The following CACNA2D3 variants were observed in gnomAD, a reference collection of about 807,000 sequenced individuals.
CACNA2D3 encodes voltage-dependent calcium channel subunit alpha-2/delta-3.
CACNA2D3 carries 60 observed loss-of-function variants against 160.6 expected under a neutral mutation model. The observed-to-expected ratio is 0.37, with a 90% CI of 0.30 to 0.46. CACNA2D3 has a LOEUF of 0.46. CACNA2D3 is among the 20% of genes least tolerant of loss of function. The pLI is 1.00. For synonymous variants in CACNA2D3, 558 were observed against 492.9 expected, an observed-to-expected ratio of 1.13 and a Z score of -1.75; for missense variants, 1,205 against 1,365.0, an observed-to-expected ratio of 0.88 and a Z score of 1.85.
intron 17 of CACNA2D3, among the ~76,000 whole-genome samples, chr3:54,851,886 C>T (rs1699065283): frequency 6.6e-6 from 1 of 152,180 alleles, no homozygotes; most frequent in Admixed American, 6.5e-5. Flanking sequence ...CTACATGGCA[C>T]ATCTCAATTC....
intron 29 of CACNA2D3, among the ~76,000 whole-genome samples, chr3:54,980,394 T>A (rs1352230633): frequency 6.6e-6 from 1 of 152,184 alleles, no homozygotes; most frequent in East Asian, 1.9e-4. Flanking sequence ...TACCATTAAT[T>A]TTTTTACAAA....
At chr3:54,813,129 C>A (rs1303879775) in intron 13 of CACNA2D3, among the ~76,000 whole-genome samples, 1 of 152,178 alleles carries the variant, frequency 6.6e-6, no homozygotes, top group Non-Finnish European at 1.5e-5. Flanking sequence ...CACACCACAA[C>A]TTTTTTCTTT....
intron 11 of CACNA2D3, among the ~76,000 whole-genome samples, chr3:54,736,739 C>T (rs926742746): frequency 6.6e-6 from 1 of 152,072 alleles, no homozygotes; most frequent in Non-Finnish European, 1.5e-5. Context: ...ATGCACTTTG[C>T]CCTGTTATTG....
chr3:54,512,511 G>T (rs572717113), intron 5 of CACNA2D3, among the ~76,000 whole-genome samples: 2 of 152,218 alleles, frequency 1.3e-5, no homozygotes, highest in African/African-American at 2.4e-5. Flanking sequence ...CCTGAGCCAG[G>T]TAGCCTTCCT....
At chr3:54,389,484 C>T (rs1699244475) in intron 4 of CACNA2D3, among the ~76,000 whole-genome samples, 1 of 152,098 alleles carries the variant, frequency 6.6e-6, no homozygotes. Context: ...CCACAAGTTA[C>T]TCATCAATTA....
chr3:54,150,469 A>C (rs1466606835), intron 2 of CACNA2D3, among the ~76,000 whole-genome samples: 4 of 152,298 alleles, frequency 2.6e-5, no homozygotes, highest in Non-Finnish European at 5.9e-5. Flanking sequence ...ACAGGCCTGG[A>C]CACCTCATTC....
At chr3:54,981,498 G>C (rs1293079463) in intron 29 of CACNA2D3, among the ~76,000 whole-genome samples, 1 of 152,120 alleles carries the variant, frequency 6.6e-6, no homozygotes, top group African/African-American at 2.4e-5. Context: ...TTGGGAGCGA[G>C]GGGGAGAGAA....
chr3:54,142,574 G>T (rs1213433637), intron 2 of CACNA2D3, among the ~76,000 whole-genome samples: 1 of 152,046 alleles, frequency 6.6e-6, no homozygotes, highest in Non-Finnish European at 1.5e-5. Context: ...TGGCTCCTTA[G>T]GGCAAAGCCT....
intron 17 of CACNA2D3, among the ~76,000 whole-genome samples, chr3:54,859,860 C>A (rs1268914901): frequency 5.3e-5 from 8 of 152,004 alleles, no homozygotes; most frequent in Non-Finnish European, 8.8e-5. Flanking sequence ...TCCTTTGAAT[C>A]CAATGACTAT....
At chr3:54,981,839 A>C (rs541349300) in intron 29 of CACNA2D3, among the ~76,000 whole-genome samples, 8 of 152,142 alleles carry the variant, frequency 5.3e-5, no homozygotes, top group African/African-American at 1.9e-4. Context: ...TGTTAATCCA[A>C]CCTCTGACCA....
At chr3:54,249,568 C>CACACACACACACACACACACACACAG (rs1559895713) in intron 2 of CACNA2D3, among the ~76,000 whole-genome samples, 2 of 147,958 alleles carry the variant, frequency 1.4e-5, no homozygotes, top group African/African-American at 5.2e-5. Flanking sequence ...TACACACACA[C>CACACACACACACACACACACACACAG]ACACACACAC....
At chr3:54,568,412 C>T (rs1702443094) in intron 6 of CACNA2D3, among the ~76,000 whole-genome samples, 1 of 152,166 alleles carries the variant, frequency 6.6e-6, no homozygotes, top group Non-Finnish European at 1.5e-5. Context: ...CCACTGAACA[C>T]CTCCCGTGGG....
At chr3:54,937,251 T>C (rs1056764050) in intron 27 of CACNA2D3, among the ~76,000 whole-genome samples, 13 of 152,168 alleles carry the variant, frequency 8.5e-5, no homozygotes, top group African/African-American at 2.9e-4. Context: ...TGTTTGGGAA[T>C]GTCATAGGCA....
intron 2 of CACNA2D3, among the ~76,000 whole-genome samples, chr3:54,297,611 A>G (rs1315407221): frequency 6.6e-6 from 1 of 151,928 alleles, no homozygotes; most frequent in African/African-American, 2.4e-5. Flanking sequence ...TATGGTGGCA[A>G]GTAACTTTGA....
At chr3:54,795,663 A>T (rs1224298590) in intron 13 of CACNA2D3, among the ~76,000 whole-genome samples, 1 of 152,188 alleles carries the variant, frequency 6.6e-6, no homozygotes, top group African/African-American at 2.4e-5. Flanking sequence ...ATTATTGAGA[A>T]TCCAATTGGC....
chr3:54,182,069 A>G (rs957156286), intron 2 of CACNA2D3, among the ~76,000 whole-genome samples: 1 of 152,198 alleles, frequency 6.6e-6, no homozygotes, highest in Non-Finnish European at 1.5e-5. Context: ...TATTTATCAA[A>G]GTTAGGTTTT....
intron 5 of CACNA2D3, among the ~76,000 whole-genome samples, chr3:54,515,023 C>T (rs1701525064): frequency 6.6e-6 from 1 of 152,176 alleles, no homozygotes. Flanking sequence ...ATCCTTTTAT[C>T]ATGGAACGTC....
chr3:54,354,074 C>T (rs1048427678), intron 3 of CACNA2D3, among the ~76,000 whole-genome samples: 11 of 152,180 alleles, frequency 7.2e-5, no homozygotes, highest in African/African-American at 9.7e-5. Flanking sequence ...AGCCAAGCTA[C>T]ACACATTCAA....
intron 27 of CACNA2D3, among the ~76,000 whole-genome samples, chr3:54,907,633 GA>G (rs1477638173): frequency 5.9e-5 from 9 of 152,062 alleles, no homozygotes; most frequent in African/African-American, 1.4e-4. Flanking sequence ...TATTTTTTCT[GA>G]AAACTTGCAT....
Sources: gnomAD v4.1 joint callset for allele counts (sites outside exome capture counted in the v4.1 genomes callset) on GRCh38, gnomAD v4.1.1 for gene constraint, MANE v1.5 for transcripts, NCBI Gene and HGNC (gene_info 2026-07-23, HGNC 2026-07-21) for gene names.